NREP: variants seen among roughly 807,000 people sequenced by gnomAD.
The protein encoded by NREP is neuronal regeneration related protein.
In NREP, 5 loss-of-function variants were observed where a neutral mutation model predicts 8.6. The observed-to-expected ratio is 0.58, with a 90% confidence interval of 0.30 to 1.22. The LOEUF (loss-of-function observed/expected upper bound fraction) is 1.22, where lower values mean the gene tolerates loss of function less well. Among genes scored for constraint, NREP ranks in the 50% most tolerant of loss-of-function variants. The pLI, the probability that NREP is intolerant of heterozygous loss-of-function variation, is 0.07. For missense variants in NREP, 86 were observed against 82.5 expected, an observed-to-expected ratio of 1.04 and a Z score of -0.17; for synonymous variants, 27 against 28.0, an observed-to-expected ratio of 0.96 and a Z score of 0.11.
At chr5:111,772,600 G>C (rs1751257082) in intron 2 of NREP, among the ~76,000 whole-genome samples, 1 of 151,912 alleles carries the variant, frequency 6.6e-6, no homozygotes, top group South Asian at 2.1e-4. Context: ...CAGGTGTGCA[G>C]CCTCAGAGAA....
chr5:111,733,417 G>T (rs554152116), intron 3 of NREP: 1 of 152,018 alleles, frequency 6.6e-6, no homozygotes, highest in East Asian at 1.9e-4. Context: ...ACAGAGTTCT[G>T]TGCGTTCTCC....
chr5:111,932,963 G>A (rs981244804), intron 2 of NREP, among the ~76,000 whole-genome samples: 10 of 152,008 alleles, frequency 6.6e-5, no homozygotes, highest in African/African-American at 1.7e-4. Context: ...TAAAGGAAAC[G>A]GTTCTGTCCT....
At chr5:111,808,892 G>A (rs1752205044) in intron 2 of NREP, among the ~76,000 whole-genome samples, 1 of 152,140 alleles carries the variant, frequency 6.6e-6, no homozygotes, top group Non-Finnish European at 1.5e-5. Flanking sequence ...GGTACATGCT[G>A]GTATGTAGTA....
intron 2 of NREP, among the ~76,000 whole-genome samples, chr5:111,911,088 A>G (rs562112663): frequency 6.6e-6 from 1 of 151,918 alleles, no homozygotes; most frequent in African/African-American, 2.4e-5. Context: ...AGTGATCTCA[A>G]TAACACTCCT....
intron 2 of NREP, among the ~76,000 whole-genome samples, chr5:111,967,346 CTAGTTTA>C (rs1214418469): frequency 2.0e-5 from 3 of 152,078 alleles, no homozygotes; most frequent in Non-Finnish European, 4.4e-5. Flanking sequence ...AAACTCCTTT[CTAGTTTA>C]TTGCAAATGA....
chr5:111,857,803 G>C (rs1477238194), intron 2 of NREP, among the ~76,000 whole-genome samples: 1 of 152,124 alleles, frequency 6.6e-6, no homozygotes, highest in Non-Finnish European at 1.5e-5. Context: ...ATAAATGGAT[G>C]CATATGCTGT....
chr5:111,776,185 T>G (rs1751352662), intron 2 of NREP, among the ~76,000 whole-genome samples: 2 of 152,148 alleles, frequency 1.3e-5, no homozygotes, highest in Admixed American at 1.3e-4. Flanking sequence ...TCAAGTAAAT[T>G]CATGTCATAA....
At chr5:111,970,825 CAAAAAAAAAA>C (rs33962098) in intron 2 of NREP, among the ~76,000 whole-genome samples, 4 of 53,640 alleles carry the variant, frequency 7.5e-5, no homozygotes, top group African/African-American at 1.5e-4. Context: ...GACTCCATCT[CAAAAAAAAAA>C]AAAAAAAAAA....
intron 1 of NREP, among the ~76,000 whole-genome samples, chr5:111,975,693 T>G (rs1245283153): frequency 1.3e-5 from 2 of 152,168 alleles, no homozygotes; most frequent in African/African-American, 4.8e-5. Context: ...ACATAGATAT[T>G]CATTAAAATT....
At chr5:111,924,498 C>A (rs1191783200) in intron 2 of NREP, among the ~76,000 whole-genome samples, 1 of 151,818 alleles carries the variant, frequency 6.6e-6, no homozygotes, top group Non-Finnish European at 1.5e-5. Flanking sequence ...GCACTGTGGG[C>A]CATTTCATTT....
At chr5:111,742,850 A>C (rs1407320139) in intron 2 of NREP, among the ~76,000 whole-genome samples, 1 of 151,742 alleles carries the variant, frequency 6.6e-6, no homozygotes, top group Non-Finnish European at 1.5e-5. Context: ...CCACCTAAAG[A>C]CTCCATAAAT....
chr5:111,902,653 G>A (rs1754674034), intron 2 of NREP, among the ~76,000 whole-genome samples: 2 of 152,132 alleles, frequency 1.3e-5, no homozygotes, highest in Admixed American at 1.3e-4. Flanking sequence ...AGCAGTGAAC[G>A]ATGATAACAT....
rs114441385 is a variant in NREP, at chr5:111,880,327, C to G, written c.135+94947G>C. 8.5e-3 allele frequency among the ~76,000 whole-genome samples: 1,300 copies of G among 152,278 alleles called. 20 individuals carry two copies. The highest frequency in any genetic ancestry group is 0.03 in the African/African-American group (1,236 of 41,548). On this transcript the variant is annotated intron_variant, in intron 2 of 3. Coordinates refer to the NREP transcript ENST00000395634. ...GAATAAGTATATTCATTTTCCAGAG[C>G]TCTCATAAGAAATACCACAGACGAG...
At chr5:111,818,758 GA>G (rs1752449699) in intron 2 of NREP, among the ~76,000 whole-genome samples, 1 of 152,106 alleles carries the variant, frequency 6.6e-6, no homozygotes, top group African/African-American at 2.4e-5. Flanking sequence ...GACAAAAATT[GA>G]AAACAATCTG....
At chr5:111,889,643 G>A (rs1754346297) in intron 2 of NREP, among the ~76,000 whole-genome samples, 1 of 152,152 alleles carries the variant, frequency 6.6e-6, no homozygotes, top group African/African-American at 2.4e-5. Context: ...ATAAGTCTAT[G>A]AAGTCAAAAC....
At chr5:111,880,394 G>C (rs1754023100) in intron 2 of NREP, among the ~76,000 whole-genome samples, 2 of 152,174 alleles carry the variant, frequency 1.3e-5, no homozygotes, top group African/African-American at 2.4e-5. Flanking sequence ...TGATTCAGGA[G>C]GCCAGAAGTC....
At chr5:111,741,834 C>CACAG (rs879582632) in intron 2 of NREP, among the ~76,000 whole-genome samples, 25 of 151,534 alleles carry the variant, frequency 1.6e-4, no homozygotes, top group Admixed American at 3.9e-4. Flanking sequence ...TACACACACA[C>CACAG]ACACACACAC....
chr5:111,964,600 C>T (rs921019053), intron 2 of NREP, among the ~76,000 whole-genome samples: 5 of 152,046 alleles, frequency 3.3e-5, no homozygotes, highest in Admixed American at 1.3e-4. Flanking sequence ...GTACTCCTGG[C>T]CTCAAGTGAT....
Position 111,883,035 on chromosome 5 carries a change from T to C in NREP, c.135+92239A>G, listed in dbSNP as rs970207210. Among the ~76,000 whole-genome samples the C allele has an allele frequency of 7.2e-5, 11 of 152,296 alleles. No homozygotes were observed. In the East Asian group the frequency reaches 7.7e-4, roughly 11 times the overall value. ...CAATTAAAAGACACAGACTGGCAAATTGGATGAAGAGTCAAGACCCATCAG... is the reference window on the plus strand; with the variant it reads ...CAATTAAAAGACACAGACTGGCAAACTGGATGAAGAGTCAAGACCCATCAG... On this transcript the variant is annotated intron_variant, in intron 2 of 3. Transcript: ENST00000395634.
Sources: allele counts gnomAD v4.1 joint callset (sites outside exome capture counted in the v4.1 genomes callset), GRCh38; gene constraint gnomAD v4.1.1; transcripts MANE v1.5; gene names NCBI Gene and HGNC (gene_info 2026-07-23, HGNC 2026-07-21).